The following RAB40B variants were observed in gnomAD, a reference collection of about 807,000 sequenced individuals.
RAB40B encodes RAB40B, member RAS oncogene family.
Under a neutral mutation model 24.0 loss-of-function variants are expected in RAB40B, and 21 were observed. The observed-to-expected ratio is 0.88, with a 90% CI of 0.62 to 1.26. The LOEUF (loss-of-function observed/expected upper bound fraction) is 1.26, where lower values mean the gene tolerates loss of function less well. Among genes scored for constraint, RAB40B ranks in the 50% most tolerant of loss-of-function variants. The probability of loss-of-function intolerance (pLI) is 0.00; values close to 1 mark genes in which losing one functional copy is unlikely to be tolerated. For missense variants in RAB40B, 348 were observed against 390.5 expected, an observed-to-expected ratio of 0.89 and a Z score of 0.92; for synonymous variants, 167 against 169.8, an observed-to-expected ratio of 0.98 and a Z score of 0.13.
intron 3 of RAB40B, among the ~76,000 whole-genome samples, chr17:82,660,765 GCA>G (rs1301304507): frequency 6.6e-6 from 1 of 152,118 alleles, no homozygotes; most frequent in African/African-American, 2.4e-5. Flanking sequence ...ACGTGTACAT[GCA>G]CACACAGTCC....
Position 82,669,211 on chromosome 17 carries a change from C to T in RAB40B, c.143-4655G>A, listed in dbSNP as rs537793622. Among the ~76,000 whole-genome samples the T allele has an allele frequency of 2.3e-3, 343 of 152,120 alleles. 2 individuals are homozygous for T. Among genetic ancestry groups the T allele is most frequent in the African/African-American group, 8.0e-3 (332 of 41,502 alleles). ...AAATTAGGGCCTGGGCGCGGTGGCTCACGCCTGTAATCCCAGCACTTTGGG... is the reference window on the plus strand; with the variant it reads ...AAATTAGGGCCTGGGCGCGGTGGCTTACGCCTGTAATCCCAGCACTTTGGG... On this transcript the variant is annotated intron_variant, in intron 1 of 5. Transcript: ENST00000571995.
intron 1 of RAB40B, among the ~76,000 whole-genome samples, chr17:82,690,265 AGTGTGTTTGT>A (rs964400076): frequency 6.7e-5 from 10 of 149,464 alleles, no homozygotes; most frequent in Non-Finnish European, 1.0e-4. Context: ...GGGAGCAGAG[AGTGTGTTTGT>A]GTGTCCAGGG....
At chr17:82,695,935 G>A (rs1054333347) in intron 1 of RAB40B, among the ~76,000 whole-genome samples, 5 of 151,842 alleles carry the variant, frequency 3.3e-5, no homozygotes, top group African/African-American at 1.2e-4. Context: ...GGAGTACAAT[G>A]GTGCGATCTC....
At chr17:82,690,467 G>C (rs1056319139) in intron 1 of RAB40B, among the ~76,000 whole-genome samples, 2 of 143,530 alleles carry the variant, frequency 1.4e-5, no homozygotes, top group Non-Finnish European at 3.0e-5. Context: ...ATTGGAGGGA[G>C]CATGGAGTGT....
chr17:82,674,369 C>T (rs550990152), intron 1 of RAB40B, among the ~76,000 whole-genome samples: 3 of 149,374 alleles, frequency 2.0e-5, no homozygotes, highest in African/African-American at 4.9e-5. Context: ...TGGTGGTTCA[C>T]GCCTGTAACC....
At chr17:82,666,969 A>AAAGGG (rs1313538743) in intron 1 of RAB40B, among the ~76,000 whole-genome samples, 1 of 152,182 alleles carries the variant, frequency 6.6e-6, no homozygotes, top group Non-Finnish European at 1.5e-5. Context: ...TCAGAATTCT[A>AAAGGG]AAGGGAAGCG....
chr17:82,691,991 C>A (rs1213435192), intron 1 of RAB40B, among the ~76,000 whole-genome samples: 2 of 152,180 alleles, frequency 1.3e-5, no homozygotes, highest in African/African-American at 4.8e-5. Context: ...CCCTGGGTAA[C>A]CAGCAGAGCA....
chr17:82,680,265 G>A (rs1286087815), intron 1 of RAB40B, among the ~76,000 whole-genome samples: 1 of 152,182 alleles, frequency 6.6e-6, no homozygotes, highest in East Asian at 1.9e-4. Flanking sequence ...ACACCCAGGG[G>A]AGTGGCCATA....
intron 1 of RAB40B, among the ~76,000 whole-genome samples, chr17:82,686,460 A>C (rs1278201016): frequency 2.6e-5 from 4 of 152,270 alleles, no homozygotes; most frequent in Non-Finnish European, 5.9e-5. Flanking sequence ...ATACTGAGTT[A>C]GGTGGGCCCT....
At chr17:82,660,127 G>GTAC in intron 3 of RAB40B, among the ~76,000 whole-genome samples, 1 of 150,742 alleles carries the variant, frequency 6.6e-6, no homozygotes, top group South Asian at 2.1e-4. Context: ...CTGCACACGT[G>GTAC]TACACACGTG....
At chr17:82,658,231 C>T (rs553231064) in intron 5 of RAB40B, 97 bp from the exon 6 acceptor site, 3 of 1,503,396 alleles carry the variant, frequency 2.0e-6, no homozygotes, top group Admixed American at 2.0e-5. Flanking sequence ...CCTCCCAAGG[C>T]TCGGACGCCC....
chr17:82,688,930 T>C (rs2046528985), intron 1 of RAB40B, among the ~76,000 whole-genome samples: 1 of 152,192 alleles, frequency 6.6e-6, no homozygotes, highest in Non-Finnish European at 1.5e-5. Context: ...TAAGACTCTG[T>C]CTCAAAAAAA....
At chr17:82,673,240 C>T (rs2046358603) in intron 1 of RAB40B, among the ~76,000 whole-genome samples, 2 of 152,128 alleles carry the variant, frequency 1.3e-5, no homozygotes, top group African/African-American at 4.8e-5. Flanking sequence ...TTGTTGTTTA[C>T]TCATTGTTTA....
At chr17:82,664,774 T>C (rs756543595) in intron 1 of RAB40B, 4 of 525,892 alleles carry the variant, frequency 7.6e-6, no homozygotes, top group South Asian at 2.1e-5. Flanking sequence ...CCTTGGCCTC[T>C]GTGGGGGTCA....
intron 1 of RAB40B, among the ~76,000 whole-genome samples, chr17:82,686,249 T>C (rs1414639735): frequency 6.6e-6 from 1 of 151,804 alleles, no homozygotes; most frequent in Non-Finnish European, 1.5e-5. Context: ...GCAGCTGAGA[T>C]AACAGGCACC....
chr17:82,665,074 C>T lies in RAB40B; in HGVS notation c.143-518G>A, dbSNP rs1439482242. Among the ~76,000 whole-genome samples, 4 of 152,220 alleles carry T rather than the reference C, an allele frequency of 2.6e-5. No individual in the cohort carries two copies. In the East Asian group the frequency reaches 7.7e-4, roughly 29 times the overall value. On this transcript the variant is annotated intron_variant, in intron 1 of 5. Coordinates refer to ENST00000571995, the MANE Select transcript of RAB40B (RefSeq NM_006822.3). ...GACAGACGTGACGCTGCGTGGGATG[C>T]CCGCTCTCAGCTGTGTACATGTGCA...
intron 4 of RAB40B, chr17:82,659,360 C>G: frequency 1.8e-6 from 1 of 564,266 alleles, no homozygotes; most frequent in Non-Finnish European, 3.2e-6. Flanking sequence ...CTCGTTTCGT[C>G]TGGACCAGCT....
Position 82,675,320 on chromosome 17 carries a change from C to T in RAB40B, c.143-10764G>A, listed in dbSNP as rs2046384449. Among the ~76,000 whole-genome samples the T allele has an allele frequency of 6.6e-6, 1 of 152,212 alleles. No homozygotes were observed. The highest frequency in any genetic ancestry group is 1.5e-5 in the Non-Finnish European group (1 of 68,038). On this transcript the variant is annotated intron_variant, in intron 1 of 5. Coordinates refer to ENST00000571995, the MANE Select transcript of RAB40B (RefSeq NM_006822.3). This position sits in a 1 kb window ranked among gnomAD's most constrained non-coding sequence, Gnocchi z 4.5. ...GCACAGCCCGGATGCATAACCCACA[C>T]CCACAACCTGCCCTGGCAAATGACC...
intron 1 of RAB40B, among the ~76,000 whole-genome samples, chr17:82,687,810 G>A (rs1205517862): frequency 1.3e-5 from 2 of 152,218 alleles, no homozygotes; most frequent in Non-Finnish European, 2.9e-5. Flanking sequence ...GGTGGCTCAT[G>A]TCTGCAATCT....
Sources: gnomAD v4.1 joint callset for allele counts (sites outside exome capture counted in the v4.1 genomes callset) on GRCh38, gnomAD v4.1.1 for gene constraint, Gnocchi (gnomAD v3.1) non-coding constraint, MANE v1.5 for transcripts, NCBI Gene and HGNC (gene_info 2026-07-23, HGNC 2026-07-21) for gene names.